The following CTIF variants were observed in gnomAD, a reference collection of about 807,000 sequenced individuals.
CTIF encodes the protein cap binding complex dependent translation initiation factor.
A neutral mutation model predicts 66.0 loss-of-function variants in CTIF; 21 were observed. The observed-to-expected ratio is 0.32, with a 90% CI of 0.23 to 0.46. The LOEUF is 0.46. CTIF is among the 20% of genes least tolerant of loss of function. The probability of loss-of-function intolerance (pLI) is 1.00; values close to 1 mark genes in which losing one functional copy is unlikely to be tolerated. For synonymous variants in CTIF, 345 were observed against 326.4 expected, an observed-to-expected ratio of 1.06 and a Z score of -0.62; for missense variants, 739 against 812.7, an observed-to-expected ratio of 0.91 and a Z score of 1.10.
chr18:48,604,163 TAAGGG>T (rs1295732265), intron 1 of CTIF, among the ~76,000 whole-genome samples: 1 of 131,730 alleles, frequency 7.6e-6, no homozygotes. Flanking sequence ...ATTTTTTTTT[TAAGGG>T]TTTTTTTTTT....
chr18:48,596,815 C>T (rs531042702), intron 1 of CTIF, among the ~76,000 whole-genome samples: 5 of 152,326 alleles, frequency 3.3e-5, no homozygotes, highest in South Asian at 2.1e-4. Flanking sequence ...CTTCCCTTTA[C>T]ACCTCATTGG....
chr18:48,542,562 C>T (rs1391440009), intron 1 of CTIF, among the ~76,000 whole-genome samples: 1 of 152,176 alleles, frequency 6.6e-6, no homozygotes, highest in African/African-American at 2.4e-5. Context: ...GTTTATGAAG[C>T]ACCAGCCTCA....
chr18:48,631,720 T>G (rs1463849998), intron 2 of CTIF, among the ~76,000 whole-genome samples: 4 of 152,204 alleles, frequency 2.6e-5, no homozygotes, highest in Non-Finnish European at 5.9e-5. Flanking sequence ...TTTAAACCAC[T>G]CTTGTGAATT....
intron 9 of CTIF, among the ~76,000 whole-genome samples, chr18:48,795,389 A>C (rs1056784788): frequency 6.6e-6 from 1 of 152,170 alleles, no homozygotes; most frequent in Non-Finnish European, 1.5e-5. Flanking sequence ...GTTTTTGAAA[A>C]ATGGGCCATC....
At chr18:48,708,659 A>G (rs1041322996) in intron 6 of CTIF, among the ~76,000 whole-genome samples, 1 of 152,186 alleles carries the variant, frequency 6.6e-6, no homozygotes, top group Non-Finnish European at 1.5e-5. Flanking sequence ...CAGAGGGTGC[A>G]AGGCTTTGTT....
intron 3 of CTIF, among the ~76,000 whole-genome samples, chr18:48,660,875 C>T (rs1251344556): frequency 1.3e-5 from 2 of 152,226 alleles, no homozygotes; most frequent in South Asian, 2.1e-4. Context: ...TAGGTTTGGC[C>T]ATGACCTTCT....
chr18:48,600,909 AT>A (rs2090078819), intron 1 of CTIF, among the ~76,000 whole-genome samples: 1 of 152,068 alleles, frequency 6.6e-6, no homozygotes, highest in African/African-American at 2.4e-5. Flanking sequence ...GACATTTTAC[AT>A]TGGCATGTCC....
At chr18:48,558,929 T>C (rs1213313799) in intron 1 of CTIF, among the ~76,000 whole-genome samples, 2 of 152,224 alleles carry the variant, frequency 1.3e-5, no homozygotes, top group Non-Finnish European at 2.9e-5. Context: ...GGTAAACTCA[T>C]ACTGGAAAAC....
chr18:48,818,074 G>A (rs2068407011), intron 10 of CTIF, among the ~76,000 whole-genome samples: 1 of 152,210 alleles, frequency 6.6e-6, no homozygotes, highest in South Asian at 2.1e-4. Flanking sequence ...ATCTGAAAAA[G>A]AAAGAAACAA....
intron 6 of CTIF, among the ~76,000 whole-genome samples, chr18:48,678,460 A>G (rs1480814389): frequency 6.6e-6 from 1 of 151,382 alleles, no homozygotes; most frequent in Non-Finnish European, 1.5e-5. Flanking sequence ...ATAGGCGCCC[A>G]TACAATAAAT....
rs1457060157 is a variant in CTIF, at chr18:48,862,725, AG to A, written c.*3167del. 1 of 152,420 alleles carries A rather than the reference AG, an allele frequency of 6.6e-6. No individual in the cohort carries two copies. 9.4% of individuals were successfully genotyped at this position (152,420 alleles called of 1,614,324 possible). ...GTGGGGGGTGTGGGAAGGGTACCAC[AG>A]ATCAGGCCGGGGCAGCTGTAGGGGC... On this transcript the variant is annotated 3_prime_UTR_variant, in exon 12 of 12. Transcript: ENST00000256413.
At chr18:48,753,601 CAA>C (rs397858285) in intron 7 of CTIF, among the ~76,000 whole-genome samples, 1 of 143,874 alleles carries the variant, frequency 7.0e-6, no homozygotes, top group Non-Finnish European at 1.5e-5. Context: ...TTCCATTCTC[CAA>C]AAAAAAAAAG....
At position 48,539,170 on chromosome 18, in the gene CTIF, G is replaced by A. The variant is rs1426359289; in HGVS notation, c.-171G>A. The A allele has an allele frequency of 6.7e-6, 1 of 149,604 alleles. No individual in the cohort carries two copies. The highest frequency in any genetic ancestry group is 1.5e-5 in the Non-Finnish European group (1 of 67,496). 9.3% of individuals were successfully genotyped at this position (149,604 alleles called of 1,614,324 possible). ...CTCTCTGCTGGGTCTGTGCGCTGGG[G>A]CGCCCGATCCCCTCCGCAGCTGGGA... On this transcript the variant is annotated 5_prime_UTR_variant, in exon 1 of 12. Coordinates refer to ENST00000256413, the MANE Select transcript of CTIF (RefSeq NM_014772.3).
At chr18:48,683,536 T>C (rs2091783304) in intron 6 of CTIF, among the ~76,000 whole-genome samples, 1 of 151,502 alleles carries the variant, frequency 6.6e-6, no homozygotes, top group Non-Finnish European at 1.5e-5. Context: ...ACTTTTGGGG[T>C]GCTCCTGAAG....
In CTIF at chr18:48,613,656, C is replaced by T. The variant is rs1164515723; in HGVS notation, c.-28-5882C>T. 5.9e-5 allele frequency among the ~76,000 whole-genome samples: 9 copies of T among 152,176 alleles called. No individual in the cohort carries two copies. In the South Asian group the frequency reaches 6.2e-4, roughly 11 times the overall value. ...AGGAGGTGGGGAGTCCCTGGGCTGG[C>T]GGCCGAGTCTGGATGAGGTTGTTTA... On this transcript the variant is annotated intron_variant, in intron 1 of 11. Coordinates refer to ENST00000256413, the MANE Select transcript of CTIF (RefSeq NM_014772.3).
chr18:48,562,886 G>A lies in CTIF; in HGVS notation c.-29+23574G>A, dbSNP rs117538975. Among the ~76,000 whole-genome samples, 257 of 152,290 alleles carry A rather than the reference G, an allele frequency of 1.7e-3. 7 individuals are homozygous for A. In the East Asian group the frequency reaches 0.024, roughly 14 times the overall value. On this transcript the variant is annotated intron_variant, in intron 1 of 11. Coordinates refer to ENST00000256413, the MANE Select transcript of CTIF (RefSeq NM_014772.3). ...AGTAATCTATTGGAACCAGTTCCCT[G>A]GGCCAGAGTGATTTGCCTTAGACTC...
At chr18:48,649,261 A>C (rs1243608553) in intron 3 of CTIF, among the ~76,000 whole-genome samples, 1 of 152,172 alleles carries the variant, frequency 6.6e-6, no homozygotes, top group Admixed American at 6.5e-5. Context: ...CAAATACTGC[A>C]CTTTTCCAAT....
At chr18:48,709,884 C>T (rs1378111719) in intron 6 of CTIF, among the ~76,000 whole-genome samples, 4 of 152,198 alleles carry the variant, frequency 2.6e-5, no homozygotes, top group Non-Finnish European at 4.4e-5. Context: ...TTGTTGGAGG[C>T]AAGAGAGACG....
At chr18:48,728,992 A>G (rs1367256531) in intron 7 of CTIF, among the ~76,000 whole-genome samples, 3 of 152,086 alleles carry the variant, frequency 2.0e-5, no homozygotes, top group African/African-American at 7.2e-5. Flanking sequence ...AGTGAAACTC[A>G]CCGGTAGCTT....
Sources: allele counts gnomAD v4.1 joint callset (sites outside exome capture counted in the v4.1 genomes callset), GRCh38; gene constraint gnomAD v4.1.1; transcripts MANE v1.5; gene names NCBI Gene and HGNC (gene_info 2026-07-23, HGNC 2026-07-21).